IGF2R: variants seen among roughly 807,000 people sequenced by gnomAD.
IGF2R encodes the protein cation-independent mannose-6-phosphate receptor.
A neutral mutation model predicts 270.6 loss-of-function variants in IGF2R; 91 were observed. The observed-to-expected ratio is 0.34, with a 90% CI of 0.28 to 0.40. The LOEUF is 0.40. IGF2R is among the 10% of genes least tolerant of loss of function. The probability of loss-of-function intolerance (pLI) is 1.00; values close to 1 mark genes in which losing one functional copy is unlikely to be tolerated. For missense variants in IGF2R, 2,805 were observed against 3,188.3 expected, an observed-to-expected ratio of 0.88 and a Z score of 2.90; for synonymous variants, 1,316 against 1,258.9, an observed-to-expected ratio of 1.05 and a Z score of -0.96.
chr6:160,024,646 C>T lies in IGF2R; in HGVS notation c.588C>T (p.Tyr196=), dbSNP rs1381005219. The change falls in exon 5 of 48, where the codon TAC becomes TAT. Residue 196 remains tyrosine (Y), a synonymous_variant. Coordinates refer to ENST00000356956, the MANE Select transcript of IGF2R (RefSeq NM_000876.4). ...LNPLIKLSGA[Y]LVDDSDPDTS... is the part of the protein sequence containing the mutation. ...CTCTGATCAAGCTTAGTGGTGCCTA[C>T]TTGGTGGATGACTCCGATCCGGACA... 4 of 1,613,940 alleles carry T rather than the reference C, an allele frequency of 2.5e-6. No homozygotes were observed. In the East Asian group the frequency reaches 6.7e-5, roughly 27 times the overall value.
At chr6:159,981,704 C>A (rs1006554116) in intron 1 of IGF2R, among the ~76,000 whole-genome samples, 2 of 152,188 alleles carry the variant, frequency 1.3e-5, no homozygotes, top group Admixed American at 1.3e-4. Flanking sequence ...AGCGCTGGGG[C>A]AGGAATCTGG....
chr6:159,969,574 C>G (rs531422098), intron 1 of IGF2R, among the ~76,000 whole-genome samples, 179 bp downstream of exon 1: 235 of 152,094 alleles, frequency 1.5e-3, no homozygotes, highest in African/African-American at 5.3e-3. Flanking sequence ...CCCGCCGGGT[C>G]CCGTGCGCAG....
chr6:160,063,324 A>G (rs1778482776), intron 26 of IGF2R, 91 bp from the exon 27 acceptor site: 1 of 1,004,222 alleles, frequency 1.0e-6, no homozygotes, highest in African/African-American at 1.6e-5. Context: ...GGCGTGAGCC[A>G]CTGCGCCCGG....
intron 6 of IGF2R, 148 bp downstream of exon 6, chr6:160,027,462 C>T: frequency 2.1e-6 from 2 of 937,460 alleles, no homozygotes; most frequent in South Asian, 1.8e-5. Flanking sequence ...GATTGTTGGT[C>T]ATTGCTGTGA....
At position 159,969,307 on chromosome 6, in the gene IGF2R, C is replaced by G; in HGVS notation, c.61C>G (p.Arg21Gly). 7.9e-7 allele frequency: 1 copy of G among 1,265,666 alleles called. No individual in the cohort carries two copies. The highest frequency in any genetic ancestry group is 3.4e-5 in the East Asian group (1 of 29,160). The allele number at this position is 1,265,666 out of a possible 1,614,324, so 78.4% of individuals were successfully genotyped here. The change falls in exon 1 of 48, where the codon CGC (arginine) becomes GGC (glycine). Residue 21 changes from arginine to glycine, a missense_variant. Transcript: ENST00000356956. ...LGPAPARRPQ[R>G]SLLLLQLLLL... ...GCCCGCGCCCGCCCGCCGCCCGCAG[C>G]GCTCTCTGCTCCTGCTGCAGCTGCT... is the stretch of plus-strand genomic sequence containing the variant.
At position 160,064,696 on chromosome 6, in the gene IGF2R, G is replaced by A. The variant is rs1778523480; in HGVS notation, c.4018-108G>A. On this transcript the variant is annotated intron_variant, in intron 28 of 47. Transcript: ENST00000356956. ...GTTGAAACTTTCATCAGTTAGTATT[G>A]ATTTTCATGAACGTAACCATTCTTT... 1.0e-5 allele frequency: 11 copies of A among 1,103,972 alleles called. No homozygotes were observed. In the South Asian group the frequency reaches 1.5e-4, roughly 15 times the overall value. 68.4% of individuals were successfully genotyped at this position (1,103,972 alleles called of 1,614,324 possible). A position where few individuals can be genotyped will look rare whatever the true frequency, so the allele number is the denominator to read the frequency against.
At chr6:160,048,781 G>C (rs573451916) in intron 18 of IGF2R, among the ~76,000 whole-genome samples, 11 of 152,342 alleles carry the variant, frequency 7.2e-5, no homozygotes, top group Admixed American at 1.3e-4. Flanking sequence ...ATCACACAAA[G>C]GGCAGAGGAA....
intron 4 of IGF2R, 101 bp downstream of exon 4, chr6:160,010,886 G>T: frequency 3.0e-6 from 2 of 676,166 alleles, no homozygotes; most frequent in East Asian, 2.8e-5. Flanking sequence ...ATCTTTTTTA[G>T]CTTCCAAATT....
intron 44 of IGF2R, chr6:160,094,241 A>C (rs1251269181): frequency 6.1e-6 from 2 of 326,666 alleles, no homozygotes; most frequent in Non-Finnish European, 1.2e-5. Flanking sequence ...CTTCATTTAT[A>C]AATATCGTCT....
intron 1 of IGF2R, 76 bp from the exon 2 acceptor site, chr6:159,991,108 G>T: frequency 7.2e-7 from 1 of 1,385,260 alleles, no homozygotes; most frequent in South Asian, 1.3e-5. Context: ...AGCAAATGTG[G>T]CTTGAATAAA....
intron 29 of IGF2R, among the ~76,000 whole-genome samples, chr6:160,066,029 T>A (rs1375715100): frequency 2.0e-5 from 3 of 146,474 alleles, no homozygotes; most frequent in East Asian, 2.0e-4. Flanking sequence ...TTTTTTTTTT[T>A]AATGAGACAG....
At chr6:160,051,951 C>T (rs1188374666) in intron 19 of IGF2R, among the ~76,000 whole-genome samples, 1 of 148,526 alleles carries the variant, frequency 6.7e-6, no homozygotes, top group African/African-American at 2.5e-5. Context: ...GAGCCCCTGT[C>T]TCAAAAAAAA....
At chr6:159,980,231 GA>G (rs752177592) in intron 1 of IGF2R, among the ~76,000 whole-genome samples, 1 of 114,426 alleles carries the variant, frequency 8.7e-6, no homozygotes, top group Non-Finnish European at 2.0e-5. Flanking sequence ...AAGAAAGAAA[GA>G]AAGAAAGGTA....
chr6:160,045,554 G>T (rs934967205), intron 13 of IGF2R, among the ~76,000 whole-genome samples, 191 bp from the exon 14 acceptor site: 3 of 152,094 alleles, frequency 2.0e-5, no homozygotes, highest in Admixed American at 1.3e-4. Flanking sequence ...TGTCTCTACG[G>T]ATTTGACTGT....
intron 2 of IGF2R, chr6:160,006,454 C>CGCGGGAGCTGTCCAGGT (rs1784239399): frequency 6.7e-6 from 1 of 149,060 alleles, no homozygotes; most frequent in African/African-American, 2.4e-5. Flanking sequence ...GCTGTCCAGG[C>CGCGGGAGCTGTCCAGGT]GCGGGAGCTG....
chr6:160,044,522 G>A lies in IGF2R; in HGVS notation c.1630G>A (p.Gly544Arg). 6.2e-7 allele frequency: 1 copy of A among 1,603,724 alleles called. No individual in the cohort carries two copies. The highest frequency in any genetic ancestry group is 8.5e-7 in the Non-Finnish European group (1 of 1,173,330). ...CCCCCTTTCTCTTCCAGATAAAAAT[G>A]GAAGTAAAAATCTGGGAAAATTTAT... The part of the protein sequence containing the change: ...DAAVCAVDKN[G>R]SKNLGKFISS... Residue 544 changes from glycine to arginine, a missense_variant, in exon 13 of 48, where the codon GGA (glycine) becomes AGA (arginine). Around this residue, in one of 2 missense-constraint regions of IGF2R, gnomAD observed 954 missense variants for 981.1 expected, o/e 0.97. Coordinates refer to ENST00000356956, the MANE Select transcript of IGF2R (RefSeq NM_000876.4).
intron 2 of IGF2R, among the ~76,000 whole-genome samples, chr6:159,995,332 G>A (rs1289253291): frequency 1.3e-5 from 2 of 151,270 alleles, no homozygotes; most frequent in East Asian, 3.9e-4. Context: ...TTACCAGTTA[G>A]GTGGTTTTCT....
chr6:160,077,519 A>C (rs1778880657), intron 36 of IGF2R, among the ~76,000 whole-genome samples: 1 of 152,226 alleles, frequency 6.6e-6, no homozygotes, highest in South Asian at 2.1e-4. Flanking sequence ...CAGCAGCTGC[A>C]CATTGAGGGT....
intron 11 of IGF2R, among the ~76,000 whole-genome samples, chr6:160,041,192 T>C (rs532141539): frequency 6.6e-6 from 1 of 152,200 alleles, no homozygotes; most frequent in East Asian, 1.9e-4. Flanking sequence ...GCCTGGAATT[T>C]AGCAGGAAAC....
Sources: gnomAD v4.1 joint callset for allele counts (sites outside exome capture counted in the v4.1 genomes callset) on GRCh38, gnomAD v4.1.1 for gene constraint, gnomAD v4.1.1 regional missense constraint, MANE v1.5 for transcripts, NCBI Gene and HGNC (gene_info 2026-07-23, HGNC 2026-07-21) for gene names.